FBXL17: variants seen among roughly 807,000 people sequenced by gnomAD.
FBXL17 encodes the protein F-box and leucine rich repeat protein 17, also known as F-box/LRR-repeat protein 17.
In FBXL17, 22 loss-of-function variants were observed where a neutral mutation model predicts 66.2. The observed-to-expected ratio is 0.33, with a 90% CI of 0.24 to 0.47. The LOEUF (loss-of-function observed/expected upper bound fraction) is 0.47. Ranked by LOEUF, FBXL17 falls within the 20% of genes least tolerant of loss-of-function variation. The probability of loss-of-function intolerance (pLI) is 1.00; values close to 1 mark genes in which losing one functional copy is unlikely to be tolerated. For missense variants in FBXL17, 878 were observed against 948.2 expected, an observed-to-expected ratio of 0.93 and a Z score of 0.97; for synonymous variants, 474 against 400.5, an observed-to-expected ratio of 1.18 and a Z score of -2.19.
rs1049216264 is a variant in FBXL17 at position 107,871,075 on chromosome 5, A to C, written c.1966-9215T>G. ...TGGGCGGCAAAAAAAAAAAAAAAAA[A>C]AAAACCTCATCTAAAAATCTCAAAG... On this transcript the variant is annotated intron_variant, in intron 8 of 8. Coordinates refer to ENST00000542267, the MANE Select transcript of FBXL17 (RefSeq NM_001163315.3). 2.1e-5 allele frequency among the ~76,000 whole-genome samples: 3 copies of C among 146,100 alleles called. No individual in the cohort carries two copies. The East Asian group carries it at 6.5e-4, about 32-fold the overall frequency.
intron 7 of FBXL17, among the ~76,000 whole-genome samples, chr5:107,936,593 T>A (rs891350441): frequency 1.3e-5 from 2 of 152,110 alleles, no homozygotes; most frequent in Non-Finnish European, 2.9e-5. Context: ...TACATTAGAA[T>A]GACTGATGTG....
intron 4 of FBXL17, among the ~76,000 whole-genome samples, chr5:108,259,868 A>AGTTATCT: frequency 6.6e-6 from 1 of 152,292 alleles, no homozygotes; most frequent in African/African-American, 2.4e-5. Context: ...AACGGTTTTT[A>AGTTATCT]AAACCTAGGC....
At chr5:108,166,421 A>G (rs1036219019) in intron 6 of FBXL17, among the ~76,000 whole-genome samples, 7 of 152,224 alleles carry the variant, frequency 4.6e-5, no homozygotes, top group East Asian at 1.9e-4. Flanking sequence ...GTATTTTAAC[A>G]TATCTCATAG....
intron 7 of FBXL17, among the ~76,000 whole-genome samples, chr5:107,952,986 C>G (rs1167597472): frequency 1.3e-5 from 2 of 152,154 alleles, no homozygotes; most frequent in African/African-American, 4.8e-5. Flanking sequence ...TCCCCTCTCA[C>G]AGGTCAGATG....
At chr5:107,930,456 G>A (rs1750692416) in intron 7 of FBXL17, among the ~76,000 whole-genome samples, 1 of 152,186 alleles carries the variant, frequency 6.6e-6, no homozygotes, top group Non-Finnish European at 1.5e-5. Flanking sequence ...TAGGCCCCTA[G>A]CCTGTTCTTT....
chr5:107,999,484 C>CACACA (rs1554055758), intron 7 of FBXL17, among the ~76,000 whole-genome samples: 1 of 137,730 alleles, frequency 7.3e-6, no homozygotes, highest in East Asian at 2.2e-4. Flanking sequence ...CACACACACA[C>CACACA]CACACACACA....
At chr5:107,924,586 C>T (rs1420186748) in intron 7 of FBXL17, among the ~76,000 whole-genome samples, 5 of 152,140 alleles carry the variant, frequency 3.3e-5, no homozygotes, top group Admixed American at 3.3e-4. Context: ...TTTGAGGCTG[C>T]CCTAGTCTCC....
At chr5:107,902,080 G>A (rs972342895) in intron 7 of FBXL17, among the ~76,000 whole-genome samples, 1 of 152,180 alleles carries the variant, frequency 6.6e-6, no homozygotes, top group Non-Finnish European at 1.5e-5. Flanking sequence ...CATCGTGAGA[G>A]CTAAACGAAA....
intron 4 of FBXL17, among the ~76,000 whole-genome samples, chr5:108,295,731 A>T (rs1758319800): frequency 6.6e-6 from 1 of 152,042 alleles, no homozygotes; most frequent in African/African-American, 2.4e-5. Flanking sequence ...CAGCATGATT[A>T]ATTCTTAAAG....
chr5:108,223,394 G>C (rs1047113610), intron 5 of FBXL17, among the ~76,000 whole-genome samples: 1 of 151,852 alleles, frequency 6.6e-6, no homozygotes, highest in Non-Finnish European at 1.5e-5. Flanking sequence ...ATAATAAGTC[G>C]GAAAAGGCAA....
At chr5:107,937,430 C>G (rs938851363) in intron 7 of FBXL17, among the ~76,000 whole-genome samples, 1 of 152,126 alleles carries the variant, frequency 6.6e-6, no homozygotes, top group Non-Finnish European at 1.5e-5. Context: ...GTGAGGCAGT[C>G]ATTCAAGGGC....
chr5:107,914,637 C>T (rs751871125), intron 7 of FBXL17, among the ~76,000 whole-genome samples: 7 of 152,196 alleles, frequency 4.6e-5, no homozygotes, highest in Non-Finnish European at 1.0e-4. Flanking sequence ...ATAAGTCAAC[C>T]CCACCCAAGT....
At chr5:108,222,499 T>C (rs1005231517) in intron 5 of FBXL17, among the ~76,000 whole-genome samples, 6 of 152,130 alleles carry the variant, frequency 3.9e-5, no homozygotes, top group African/African-American at 1.2e-4. Flanking sequence ...AACAGGCCTA[T>C]CCTCTCCTCT....
At position 108,348,403 on chromosome 5, in the gene FBXL17, T is replaced by G. The variant is rs762148485; in HGVS notation, c.1502A>C (p.Lys501Thr). The change falls in exon 4 of 9, where the codon AAA becomes ACA. Residue 501 changes from lysine to threonine, a missense_variant. Transcript: ENST00000542267. ...KLQRIYMQEN[K>T]LVTDQSVKAF... ...AGGATGATAACAAGTACTTACTAATTTGTTTTCCTGCATGTATATCCTTTG... is the reference window on the plus strand; with the variant it reads ...AGGATGATAACAAGTACTTACTAATGTGTTTTCCTGCATGTATATCCTTTG... 1 of 1,611,964 alleles carries G rather than the reference T, an allele frequency of 6.2e-7. No homozygotes were observed. The highest frequency in any genetic ancestry group is 1.1e-5 in the South Asian group (1 of 90,914).
intron 6 of FBXL17, among the ~76,000 whole-genome samples, chr5:108,185,493 C>G (rs1402415820): frequency 6.6e-6 from 1 of 152,170 alleles, no homozygotes; most frequent in Non-Finnish European, 1.5e-5. Context: ...TCCTGTACAG[C>G]CTGCAGAACT....
At chr5:108,102,796 T>C (rs892971375) in intron 6 of FBXL17, among the ~76,000 whole-genome samples, 1 of 152,210 alleles carries the variant, frequency 6.6e-6, no homozygotes, top group Non-Finnish European at 1.5e-5. Flanking sequence ...GTCATTAATG[T>C]TTAACCATCT....
intron 4 of FBXL17, among the ~76,000 whole-genome samples, chr5:108,320,292 C>A (rs955703337): frequency 1.3e-5 from 2 of 151,540 alleles, no homozygotes; most frequent in African/African-American, 4.8e-5. Context: ...AAAATAAATT[C>A]TTACTATTTT....
intron 7 of FBXL17, among the ~76,000 whole-genome samples, chr5:107,962,391 C>A (rs374395337): frequency 6.6e-6 from 1 of 152,126 alleles, no homozygotes; most frequent in Admixed American, 6.6e-5. Flanking sequence ...TAAATTGCTA[C>A]CAATCATTGA....
intron 6 of FBXL17, among the ~76,000 whole-genome samples, chr5:108,158,501 G>T (rs1346265334): frequency 1.1e-5 from 1 of 95,208 alleles, no homozygotes; most frequent in Non-Finnish European, 2.2e-5. Context: ...GGGCGTGTGT[G>T]TGTGTGTCTG....
Sources: gnomAD v4.1 joint callset for allele counts (sites outside exome capture counted in the v4.1 genomes callset) on GRCh38, gnomAD v4.1.1 for gene constraint, MANE v1.5 for transcripts, NCBI Gene and HGNC (gene_info 2026-07-23, HGNC 2026-07-21) for gene names.